The following TNIK variants were observed in gnomAD, a reference collection of about 807,000 sequenced individuals.
TNIK encodes the protein TRAF2 and NCK interacting kinase.
TNIK carries 49 observed loss-of-function variants against 191.3 expected under a neutral mutation model. That is an observed-to-expected ratio of 0.26 (90% CI 0.20 to 0.32). TNIK has a LOEUF of 0.32. TNIK is among the 10% of genes least tolerant of loss of function. TNIK has a pLI of 1.00. For synonymous variants in TNIK, 594 were observed against 600.9 expected (o/e 0.99, Z 0.17); for missense variants, 1,155 against 1,702.3 (o/e 0.68, Z 5.66).
At position 171,343,531 on chromosome 3, in the gene TNIK, A is replaced by C. The variant is rs75700010; in HGVS notation, c.123+26089T>G. On this transcript the variant is annotated intron_variant, in intron 2 of 32. Coordinates refer to ENST00000436636, the MANE Select transcript of TNIK (RefSeq NM_015028.4). ...GGAGGGAGTACAGAACTATTTGAAC[A>C]GTATCAATGACTGCCACAGCACCTG... 0.023 allele frequency among the ~76,000 whole-genome samples: 3,474 copies of C among 152,234 alleles called. 206 individuals carry two copies. In the East Asian group the frequency reaches 0.24, roughly 10 times the overall value.
chr3:171,431,642 T>A (rs1262053065), intron 1 of TNIK, among the ~76,000 whole-genome samples: 1 of 152,232 alleles, frequency 6.6e-6, no homozygotes, highest in Non-Finnish European at 1.5e-5. Context: ...AGGAGGATAC[T>A]GCTTTTGCGT....
chr3:171,446,963 G>A (rs1312966588), intron 1 of TNIK, among the ~76,000 whole-genome samples: 1 of 152,204 alleles, frequency 6.6e-6, no homozygotes, highest in Non-Finnish European at 1.5e-5. Context: ...AGCTGAGGCG[G>A]GCGGATCACC....
intron 2 of TNIK, among the ~76,000 whole-genome samples, chr3:171,335,923 A>G (rs2108382416): frequency 6.6e-6 from 1 of 152,308 alleles, no homozygotes; most frequent in Middle Eastern, 3.4e-3. Flanking sequence ...TTGCTTCATA[A>G]CATTGGCAAC....
At chr3:171,253,621 A>C in intron 2 of TNIK, among the ~76,000 whole-genome samples, 2 of 134,884 alleles carry the variant, frequency 1.5e-5, no homozygotes, top group East Asian at 2.5e-4. Context: ...GTTATCTCAA[A>C]TGTCACGGCT....
At chr3:171,200,202 C>T (rs958688479) in intron 4 of TNIK, among the ~76,000 whole-genome samples, 1 of 151,956 alleles carries the variant, frequency 6.6e-6, no homozygotes, top group African/African-American at 2.4e-5. Context: ...TCAACACCGC[C>T]TAAATAAATA....
At chr3:171,198,623 A>G (rs1005195768) in intron 4 of TNIK, among the ~76,000 whole-genome samples, 2 of 152,196 alleles carry the variant, frequency 1.3e-5, no homozygotes, top group African/African-American at 4.8e-5. Flanking sequence ...ATAGATGGAC[A>G]TGTGGATGGG....
At chr3:171,439,858 C>G (rs1726546185) in intron 1 of TNIK, among the ~76,000 whole-genome samples, 1 of 152,210 alleles carries the variant, frequency 6.6e-6, no homozygotes, top group Admixed American at 6.5e-5. Flanking sequence ...GGCCCTCACT[C>G]AACACCTAGC....
intron 2 of TNIK, among the ~76,000 whole-genome samples, chr3:171,351,015 C>A (rs1713085409): frequency 6.6e-6 from 1 of 152,054 alleles, no homozygotes; most frequent in Non-Finnish European, 1.5e-5. Flanking sequence ...CTCAGCCTCC[C>A]AAGTAGCTGG....
chr3:171,371,679 C>T (rs1396060717), intron 1 of TNIK, among the ~76,000 whole-genome samples: 2 of 152,042 alleles, frequency 1.3e-5, no homozygotes, highest in Non-Finnish European at 2.9e-5. Context: ...ACCTGGGAGG[C>T]CTCAGGATCG....
At chr3:171,444,906 G>C (rs1156353723) in intron 1 of TNIK, among the ~76,000 whole-genome samples, 1 of 151,808 alleles carries the variant, frequency 6.6e-6, no homozygotes, top group Admixed American at 6.6e-5. Flanking sequence ...ATTGAGATAT[G>C]GTCTCGCCAT....
At chr3:171,399,165 G>A (rs1388436197) in intron 1 of TNIK, among the ~76,000 whole-genome samples, 1 of 152,200 alleles carries the variant, frequency 6.6e-6, no homozygotes, top group East Asian at 1.9e-4. Flanking sequence ...TTCAAAACCA[G>A]TCTCTATCAA....
chr3:171,071,138 A>C, intron 29 of TNIK, 85 bp downstream of exon 29: 2 of 911,188 alleles, frequency 2.2e-6, no homozygotes, highest in Non-Finnish European at 3.1e-6. Context: ...GAAAATTGGT[A>C]TTGGTCTATA....
intron 2 of TNIK, among the ~76,000 whole-genome samples, chr3:171,248,345 T>C (rs1342392303): frequency 6.6e-6 from 1 of 152,150 alleles, no homozygotes; most frequent in African/African-American, 2.4e-5. Context: ...AGTTGATTAT[T>C]AAGCAGTGCT....
intron 2 of TNIK, among the ~76,000 whole-genome samples, chr3:171,308,522 T>C (rs1001702412): frequency 6.6e-6 from 1 of 152,114 alleles, no homozygotes; most frequent in African/African-American, 2.4e-5. Context: ...ATGACAAAGA[T>C]GCCAAAAGCA....
chr3:171,371,233 G>A (rs1284340676), intron 1 of TNIK, among the ~76,000 whole-genome samples: 1 of 152,254 alleles, frequency 6.6e-6, no homozygotes. Context: ...TGGGGGAAGG[G>A]GAAAATGAGT....
intron 2 of TNIK, among the ~76,000 whole-genome samples, chr3:171,332,209 C>T (rs1756480847): frequency 6.6e-6 from 1 of 152,154 alleles, no homozygotes; most frequent in South Asian, 2.1e-4. Flanking sequence ...AAAAATTCTT[C>T]ATAAACTTTG....
At chr3:171,308,186 T>TA (rs1410308719) in intron 2 of TNIK, among the ~76,000 whole-genome samples, 6 of 152,298 alleles carry the variant, frequency 3.9e-5, no homozygotes, top group African/African-American at 1.4e-4. Context: ...ACTACAGTGC[T>TA]ATAGTAACCA....
chr3:171,457,156 C>A (rs1166797734), intron 1 of TNIK, among the ~76,000 whole-genome samples: 2 of 152,222 alleles, frequency 1.3e-5, no homozygotes, highest in Admixed American at 6.5e-5. Context: ...CAAAGAAGAT[C>A]CTGCTTCACT....
intron 1 of TNIK, among the ~76,000 whole-genome samples, chr3:171,418,730 A>G (rs1560047805): frequency 2.0e-5 from 3 of 152,176 alleles, no homozygotes; most frequent in African/African-American, 4.8e-5. Flanking sequence ...CAGTTGATGA[A>G]TAGATAAACA....
Sources: gnomAD v4.1 joint callset for allele counts (sites outside exome capture counted in the v4.1 genomes callset) on GRCh38, gnomAD v4.1.1 for gene constraint, MANE v1.5 for transcripts, NCBI Gene and HGNC (gene_info 2026-07-23, HGNC 2026-07-21) for gene names.